ARL8B: variants seen among roughly 807,000 people sequenced by gnomAD.
ARL8B encodes ADP-ribosylation factor-like protein 8B.
A neutral mutation model predicts 30.6 loss-of-function variants in ARL8B; 9 were observed. The observed-to-expected ratio is 0.29, with a 90% CI of 0.18 to 0.51. The LOEUF is 0.51. Among genes scored for constraint, ARL8B ranks in the 20% least tolerant of loss-of-function variants. ARL8B has a pLI of 0.97. For synonymous variants in ARL8B, 74 were observed against 76.0 expected (o/e 0.97, Z 0.14); for missense variants, 130 against 227.2 (o/e 0.57, Z 2.75).
chr3:5,160,825 C>G (rs774184884), intron 1 of ARL8B, among the ~76,000 whole-genome samples: 1 of 152,198 alleles, frequency 6.6e-6, no homozygotes, highest in African/African-American at 2.4e-5. Flanking sequence ...TTTCGTTGTT[C>G]CCATTCAAAA....
intron 1 of ARL8B, among the ~76,000 whole-genome samples, chr3:5,144,798 C>T (rs1167853186): frequency 1.3e-5 from 2 of 152,210 alleles, no homozygotes; most frequent in Non-Finnish European, 2.9e-5. Flanking sequence ...GCAACCTCTG[C>T]TGGAAGCTGG....
Position 5,178,748 on chromosome 3 carries a change from A to T in ARL8B, c.*35A>T. 1 of 1,610,864 alleles carries T rather than the reference A, an allele frequency of 6.2e-7. No individual in the cohort carries two copies. Among genetic ancestry groups the T allele is most frequent in the Admixed American group, 1.7e-5 (1 of 59,976 alleles). On this transcript the variant is annotated 3_prime_UTR_variant, in exon 7 of 7. Coordinates refer to ENST00000256496, the MANE Select transcript of ARL8B (RefSeq NM_018184.3). ...TGAAGTCTTCCAGTCCTTCTTGGCT[A>T]TAATCCTAGAATTATTGTCCGTTCC...
chr3:5,168,939 C>G (rs1319056090), intron 1 of ARL8B, among the ~76,000 whole-genome samples: 1 of 152,030 alleles, frequency 6.6e-6, no homozygotes, highest in African/African-American at 2.4e-5. Flanking sequence ...AGATTAAAGC[C>G]TATCACAATA....
intron 1 of ARL8B, among the ~76,000 whole-genome samples, chr3:5,142,100 G>A (rs2054379491): frequency 6.6e-6 from 1 of 152,114 alleles, no homozygotes; most frequent in Admixed American, 6.6e-5. Context: ...CCAGGGTGAA[G>A]GGAATGGCCA....
At position 5,166,461 on chromosome 3, in the gene ARL8B, C is replaced by T. The variant is rs1477683708; in HGVS notation, c.124-4042C>T. ...GGGTTCAAGCGATTGCATCAGCTTCCGGAGTAGCTGGGACTACAGGCAAGC... is the reference window on the plus strand; with the variant it reads ...GGGTTCAAGCGATTGCATCAGCTTCTGGAGTAGCTGGGACTACAGGCAAGC... On this transcript the variant is annotated intron_variant, in intron 1 of 6. Coordinates refer to ENST00000256496, the MANE Select transcript of ARL8B (RefSeq NM_018184.3). Among the ~76,000 whole-genome samples, 5 of 151,220 alleles carry T rather than the reference C, an allele frequency of 3.3e-5. 1 individual carries two copies. Among genetic ancestry groups the T allele is most frequent in the Admixed American group, 1.3e-4 (2 of 15,158 alleles).
At chr3:5,124,922 G>T (rs2054217668) in intron 1 of ARL8B, among the ~76,000 whole-genome samples, 1 of 152,202 alleles carries the variant, frequency 6.6e-6, no homozygotes, top group Non-Finnish European at 1.5e-5. Context: ...GTGGATAGGT[G>T]TATTAATACA....
At chr3:5,145,170 A>G (rs796780975) in intron 1 of ARL8B, among the ~76,000 whole-genome samples, 2 of 152,252 alleles carry the variant, frequency 1.3e-5, no homozygotes, top group African/African-American at 4.8e-5. Flanking sequence ...GGTCAGGTTT[A>G]GCTTTGATTT....
At chr3:5,146,387 G>A (rs2054419143) in intron 1 of ARL8B, among the ~76,000 whole-genome samples, 1 of 152,164 alleles carries the variant, frequency 6.6e-6, no homozygotes. Flanking sequence ...TTGACTGGGA[G>A]AATTGGAGTA....
intron 1 of ARL8B, among the ~76,000 whole-genome samples, chr3:5,136,098 A>T (rs2054323497): frequency 6.7e-6 from 1 of 148,464 alleles, no homozygotes; most frequent in African/African-American, 2.5e-5. Flanking sequence ...TATTATTATT[A>T]TTATTTTTAT....
intron 1 of ARL8B, among the ~76,000 whole-genome samples, chr3:5,141,604 G>A (rs899791873): frequency 6.6e-6 from 1 of 152,156 alleles, no homozygotes; most frequent in Non-Finnish European, 1.5e-5. Flanking sequence ...TAGCCAACCC[G>A]TAAATGGGTT....
chr3:5,172,795 T>G, intron 4 of ARL8B, 55 bp downstream of exon 4: 1 of 1,101,986 alleles, frequency 9.1e-7, no homozygotes, highest in Non-Finnish European at 1.3e-6. Flanking sequence ...ATATTAATTA[T>G]GGTAATTATG....
intron 6 of ARL8B, among the ~76,000 whole-genome samples, chr3:5,176,389 C>A (rs2054730128): frequency 6.6e-6 from 1 of 152,102 alleles, no homozygotes; most frequent in Non-Finnish European, 1.5e-5. Context: ...CACTACCACG[C>A]CTGGCTAATT....
chr3:5,126,938 A>G (rs2054234783), intron 1 of ARL8B, among the ~76,000 whole-genome samples: 1 of 152,238 alleles, frequency 6.6e-6, no homozygotes, highest in African/African-American at 2.4e-5. Flanking sequence ...CCAAAATAAT[A>G]TAGGATAAAT....
At chr3:5,125,046 A>G (rs1229988467) in intron 1 of ARL8B, among the ~76,000 whole-genome samples, 1 of 152,238 alleles carries the variant, frequency 6.6e-6, no homozygotes. Context: ...TAGACAGTGT[A>G]GCTTAATGAG....
intron 1 of ARL8B, among the ~76,000 whole-genome samples, chr3:5,145,605 T>C (rs2106560024): frequency 6.6e-6 from 1 of 152,336 alleles, no homozygotes; most frequent in African/African-American, 2.4e-5. Flanking sequence ...ATGGTTTCTC[T>C]AAAGATGGGA....
At chr3:5,177,691 G>C (rs1215516684) in intron 6 of ARL8B, among the ~76,000 whole-genome samples, 3 of 152,038 alleles carry the variant, frequency 2.0e-5, no homozygotes, top group Non-Finnish European at 4.4e-5. Context: ...GCTGACCTCA[G>C]GTGATCACCT....
chr3:5,174,739 T>C (rs1286074317), intron 6 of ARL8B, among the ~76,000 whole-genome samples: 3 of 118,498 alleles, frequency 2.5e-5, no homozygotes, highest in East Asian at 4.4e-4. Context: ...GTAATATATA[T>C]GTAATATATA....
chr3:5,143,388 A>T (rs2054391859), intron 1 of ARL8B, among the ~76,000 whole-genome samples: 1 of 152,188 alleles, frequency 6.6e-6, no homozygotes, highest in South Asian at 2.1e-4. Context: ...ACAGACTCTT[A>T]TAAGTCTTGT....
At chr3:5,150,774 C>T (rs908086813) in intron 1 of ARL8B, among the ~76,000 whole-genome samples, 3 of 151,996 alleles carry the variant, frequency 2.0e-5, no homozygotes, top group Non-Finnish European at 4.4e-5. Flanking sequence ...TAGAGTGAGA[C>T]TCTGTCTCAA....
Sources: gnomAD v4.1 joint callset for allele counts (sites outside exome capture counted in the v4.1 genomes callset) on GRCh38, gnomAD v4.1.1 for gene constraint, MANE v1.5 for transcripts, NCBI Gene and HGNC (gene_info 2026-07-23, HGNC 2026-07-21) for gene names.